Variants in TMEM132C observed in about 807,000 individuals in gnomAD.
TMEM132C encodes the protein transmembrane protein 132C.
Under a neutral mutation model 61.4 loss-of-function variants are expected in TMEM132C, and 29 were observed. The observed-to-expected ratio is 0.47, with a 90% CI of 0.35 to 0.64. The LOEUF is 0.64. TMEM132C is among the 30% of genes least tolerant of loss of function. TMEM132C has a pLI of 0.00. For synonymous variants in TMEM132C, 656 were observed against 633.1 expected (o/e 1.04, Z -0.54); for missense variants, 1,408 against 1,476.9 (o/e 0.95, Z 0.76).
chr12:128,670,083 G>A (rs1954516805), intron 5 of TMEM132C, among the ~76,000 whole-genome samples: 1 of 152,162 alleles, frequency 6.6e-6, no homozygotes, highest in African/African-American at 2.4e-5. Flanking sequence ...GCTGAGGTGG[G>A]TGGATCACCT....
chr12:128,612,600 G>A (rs1181266467), intron 3 of TMEM132C, among the ~76,000 whole-genome samples: 1 of 152,200 alleles, frequency 6.6e-6, no homozygotes, highest in African/African-American at 2.4e-5. Flanking sequence ...GGTGCAAAAT[G>A]AGAACCTTAA....
chr12:128,431,668 C>A (rs1320798770), intron 2 of TMEM132C, among the ~76,000 whole-genome samples: 1 of 150,136 alleles, frequency 6.7e-6, no homozygotes, highest in Admixed American at 6.7e-5. Context: ...GATTCTCCTA[C>A]CTCTGCCTGC....
intron 3 of TMEM132C, among the ~76,000 whole-genome samples, chr12:128,554,486 C>G (rs1448821892): frequency 1.3e-5 from 2 of 152,192 alleles, no homozygotes; most frequent in African/African-American, 4.8e-5. Flanking sequence ...TGTTTAAAAT[C>G]CCTGTGCAAA....
intron 1 of TMEM132C, among the ~76,000 whole-genome samples, chr12:128,328,839 A>T (rs1037065758): frequency 6.6e-6 from 1 of 151,510 alleles, no homozygotes; most frequent in Admixed American, 6.6e-5. Flanking sequence ...TTTTGCACCA[A>T]CCTGTAAAAC....
chr12:128,289,532 G>T (rs1871191247), intron 1 of TMEM132C, among the ~76,000 whole-genome samples: 1 of 152,158 alleles, frequency 6.6e-6, no homozygotes, highest in Admixed American at 6.5e-5. Context: ...GGGTGCAGCT[G>T]AAAACACATG....
At chr12:128,407,925 G>A (rs1875403888) in intron 1 of TMEM132C, among the ~76,000 whole-genome samples, 1 of 149,320 alleles carries the variant, frequency 6.7e-6, no homozygotes, top group Non-Finnish European at 1.5e-5. Context: ...TACATATCTA[G>A]ATCAACAGGT....
intron 3 of TMEM132C, among the ~76,000 whole-genome samples, chr12:128,573,762 G>C (rs1874988333): frequency 1.3e-5 from 2 of 152,112 alleles, no homozygotes; most frequent in South Asian, 4.2e-4. Context: ...GGATGAAAAA[G>C]TTCTTGAGGC....
chr12:128,686,046 T>C (rs918197527), intron 5 of TMEM132C, among the ~76,000 whole-genome samples: 5 of 148,406 alleles, frequency 3.4e-5, no homozygotes, highest in African/African-American at 5.1e-5. Context: ...TATTCGCGCG[T>C]GTGTGCATGT....
At chr12:128,343,777 C>T (rs545678222) in intron 1 of TMEM132C, among the ~76,000 whole-genome samples, 1 of 152,174 alleles carries the variant, frequency 6.6e-6, no homozygotes, top group Admixed American at 6.5e-5. Flanking sequence ...ATTTCCTCAC[C>T]CTGGTCACCA....
At chr12:128,307,187 T>TCGCC (rs1397240132) in intron 1 of TMEM132C, among the ~76,000 whole-genome samples, 1 of 152,170 alleles carries the variant, frequency 6.6e-6, no homozygotes, top group Non-Finnish European at 1.5e-5. Context: ...AGAAACCTTA[T>TCGCC]CGCCTGGTTT....
intron 1 of TMEM132C, among the ~76,000 whole-genome samples, chr12:128,308,513 C>T (rs922356471): frequency 4.6e-5 from 7 of 152,152 alleles, no homozygotes; most frequent in Admixed American, 1.3e-4. Context: ...GTGTCCGGCA[C>T]GTTGCAGACA....
chr12:128,514,368 T>G (rs538836395), intron 2 of TMEM132C, among the ~76,000 whole-genome samples: 1 of 152,254 alleles, frequency 6.6e-6, no homozygotes, highest in African/African-American at 2.4e-5. Flanking sequence ...TAAACACAGG[T>G]GCTATTATTC....
At chr12:128,353,726 A>G (rs1344607259) in intron 1 of TMEM132C, among the ~76,000 whole-genome samples, 1 of 152,070 alleles carries the variant, frequency 6.6e-6, no homozygotes, top group Admixed American at 6.5e-5. Context: ...CTCTGGAACC[A>G]AGGGTGGGTT....
At chr12:128,315,728 T>C (rs1025846422) in intron 1 of TMEM132C, among the ~76,000 whole-genome samples, 2 of 152,008 alleles carry the variant, frequency 1.3e-5, no homozygotes, top group African/African-American at 4.8e-5. Context: ...GATGAGGTCA[T>C]GCTGGAGTAG....
rs547963138 is a variant in TMEM132C, at chr12:128,704,639, C to A, written c.2122-451C>A. 8.7e-4 allele frequency among the ~76,000 whole-genome samples: 133 copies of A among 152,318 alleles called. 1 individual carries two copies. The highest frequency in any genetic ancestry group is 3.1e-3 in the African/African-American group (130 of 41,570). ...TCTGACAGTGTTTCCTGCCCATCAACCTTTGTCATCAGGCTGGATACAGAC... is the reference window on the plus strand; with the variant it reads ...TCTGACAGTGTTTCCTGCCCATCAAACTTTGTCATCAGGCTGGATACAGAC... On this transcript the variant is annotated intron_variant, in intron 8 of 8. Coordinates refer to ENST00000435159, the MANE Select transcript of TMEM132C (RefSeq NM_001136103.3).
At chr12:128,329,698 G>T (rs1170726883) in intron 1 of TMEM132C, among the ~76,000 whole-genome samples, 1 of 152,132 alleles carries the variant, frequency 6.6e-6, no homozygotes, top group African/African-American at 2.4e-5. Context: ...TTCTGCCTTG[G>T]CTAGTCAGCT....
chr12:128,308,872 G>C (rs771582153), intron 1 of TMEM132C, among the ~76,000 whole-genome samples: 2 of 152,176 alleles, frequency 1.3e-5, no homozygotes, highest in African/African-American at 2.4e-5. Flanking sequence ...TAGCTCTCCG[G>C]TTCAGTTACC....
At chr12:128,556,963 G>A (rs143509265) in intron 3 of TMEM132C, among the ~76,000 whole-genome samples, 2 of 152,260 alleles carry the variant, frequency 1.3e-5, no homozygotes, top group East Asian at 3.9e-4. Context: ...ATACCACTAC[G>A]TTTTGGGGTG....
chr12:128,405,151 G>C (rs1243445524), intron 1 of TMEM132C, among the ~76,000 whole-genome samples: 1 of 152,120 alleles, frequency 6.6e-6, no homozygotes, highest in Non-Finnish European at 1.5e-5. Context: ...AGATGAACTG[G>C]AGTAAGAGGA....
Sources: gnomAD v4.1 joint callset for allele counts (sites outside exome capture counted in the v4.1 genomes callset) on GRCh38, gnomAD v4.1.1 for gene constraint, MANE v1.5 for transcripts, NCBI Gene and HGNC (gene_info 2026-07-23, HGNC 2026-07-21) for gene names.